Variants in C1orf87 observed in about 807,000 individuals in gnomAD.
C1orf87 encodes the protein uncharacterized protein C1orf87.
A neutral mutation model predicts 60.5 loss-of-function variants in C1orf87; 58 were observed. That is an observed-to-expected ratio of 0.96 (90% CI 0.78 to 1.19). C1orf87 has a LOEUF of 1.19. Among genes scored for constraint, C1orf87 ranks in the 50% most tolerant of loss-of-function variants. C1orf87 has a pLI of 0.00. For synonymous variants in C1orf87, 236 were observed against 227.4 expected (o/e 1.04, Z -0.34); for missense variants, 673 against 638.6 (o/e 1.05, Z -0.58).
At chr1:59,991,589 T>C (rs981185813) in intron 11 of C1orf87, among the ~76,000 whole-genome samples, 1 of 152,206 alleles carries the variant, frequency 6.6e-6, no homozygotes, top group Non-Finnish European at 1.5e-5. Flanking sequence ...GAATCTGTAG[T>C]TGCGGAATAC....
At chr1:60,033,665 G>A in intron 6 of C1orf87, 24 bp from the exon 7 acceptor site, 1 of 1,603,912 alleles carries the variant, frequency 6.2e-7, no homozygotes, top group South Asian at 1.1e-5. Flanking sequence ...AAATGGGGAA[G>A]GCTATGAAAA....
chr1:60,037,973 CA>C lies in C1orf87; in HGVS notation c.863+18del. 1.3e-6 allele frequency: 2 copies of C among 1,558,058 alleles called. No homozygotes were observed. The highest frequency in any genetic ancestry group is 1.1e-5 in the South Asian group (1 of 88,468). On this transcript the variant is annotated intron_variant, in intron 6 of 11. Coordinates refer to ENST00000371201, the MANE Select transcript of C1orf87 (RefSeq NM_152377.3). ...AAGACACCTAGGAACAATACCCTCA[CA>C]AAAAGGGAGAAGAGTACCTTTGGCT...
chr1:60,025,618 AATTAAT>A (rs1446632066), intron 7 of C1orf87, 120 bp from the exon 8 acceptor site: 5 of 746,974 alleles, frequency 6.7e-6, no homozygotes, highest in Non-Finnish European at 1.0e-5. Context: ...TTTGACAAAG[AATTAAT>A]ACCCAGGAGT....
chr1:60,061,125 C>T (rs975857099), intron 2 of C1orf87, among the ~76,000 whole-genome samples: 7 of 152,116 alleles, frequency 4.6e-5, no homozygotes, highest in Non-Finnish European at 5.9e-5. Flanking sequence ...TCTATGGGAA[C>T]GAGGAGCAAT....
chr1:60,034,809 T>G (rs1645264053), intron 6 of C1orf87, among the ~76,000 whole-genome samples: 1 of 152,210 alleles, frequency 6.6e-6, no homozygotes, highest in African/African-American at 2.4e-5. Flanking sequence ...TCCCTGGTAG[T>G]CTGCTCTAAG....
intron 10 of C1orf87, among the ~76,000 whole-genome samples, chr1:60,000,479 T>C (rs1403699702): frequency 6.6e-6 from 1 of 152,092 alleles, no homozygotes; most frequent in Non-Finnish European, 1.5e-5. Flanking sequence ...TCCCGTCATT[T>C]TAAGATGAAT....
At chr1:60,017,693 C>T (rs908089181) in intron 8 of C1orf87, among the ~76,000 whole-genome samples, 1 of 152,170 alleles carries the variant, frequency 6.6e-6, no homozygotes, top group Admixed American at 6.5e-5. Context: ...TGGCCAAGAA[C>T]ACGGATAATA....
intron 3 of C1orf87, among the ~76,000 whole-genome samples, chr1:60,053,721 T>C (rs1165180946): frequency 6.6e-6 from 1 of 152,186 alleles, no homozygotes; most frequent in Non-Finnish European, 1.5e-5. Context: ...TTTCTTCTTA[T>C]TTATATTCTC....
intron 2 of C1orf87, among the ~76,000 whole-genome samples, chr1:60,055,884 A>G (rs370307835): frequency 6.9e-6 from 1 of 145,364 alleles, no homozygotes; most frequent in African/African-American, 2.4e-5. Context: ...TAAGTTTAAT[A>G]TTAGAGAAAA....
intron 11 of C1orf87, among the ~76,000 whole-genome samples, chr1:59,995,021 T>C (rs1644953817): frequency 6.6e-6 from 1 of 152,178 alleles, no homozygotes. Context: ...CTAATGAATT[T>C]CATGGAAACA....
intron 11 of C1orf87, among the ~76,000 whole-genome samples, chr1:59,991,204 G>T (rs1320594464): frequency 6.6e-6 from 1 of 152,160 alleles, no homozygotes; most frequent in African/African-American, 2.4e-5. Flanking sequence ...TTTTTATCTT[G>T]TTAAAGTCTC....
intron 2 of C1orf87, among the ~76,000 whole-genome samples, chr1:60,062,629 T>C (rs1409400417): frequency 6.6e-6 from 1 of 152,176 alleles, no homozygotes; most frequent in African/African-American, 2.4e-5. Context: ...TTATTTCTTC[T>C]ATTTCCTGTC....
At chr1:60,012,422 C>G (rs1213454636) in intron 8 of C1orf87, among the ~76,000 whole-genome samples, 2 of 151,996 alleles carry the variant, frequency 1.3e-5, no homozygotes, top group East Asian at 3.9e-4. Flanking sequence ...ACTATATTGC[C>G]TGATTTGAAT....
intron 2 of C1orf87, among the ~76,000 whole-genome samples, chr1:60,065,924 T>A (rs899620499): frequency 1.3e-5 from 2 of 152,168 alleles, no homozygotes; most frequent in Non-Finnish European, 1.5e-5. Flanking sequence ...AATAAAGTGA[T>A]TCACATATTT....
At chr1:60,013,571 A>G (rs762815795) in intron 8 of C1orf87, among the ~76,000 whole-genome samples, 4 of 152,134 alleles carry the variant, frequency 2.6e-5, no homozygotes, top group Non-Finnish European at 4.4e-5. Context: ...CTACAAAAAA[A>G]TCAATGGTTT....
At chr1:60,064,339 TATGTAA>T (rs1645520191) in intron 2 of C1orf87, among the ~76,000 whole-genome samples, 1 of 140,496 alleles carries the variant, frequency 7.1e-6, no homozygotes, top group Non-Finnish European at 1.5e-5. Context: ...ATATACTATA[TATGTAA>T]TATATGTAAT....
chr1:59,992,829 T>C (rs1481672124), intron 11 of C1orf87, among the ~76,000 whole-genome samples: 1 of 152,250 alleles, frequency 6.6e-6, no homozygotes, highest in East Asian at 1.9e-4. Context: ...ATTTATTCTG[T>C]TCTATTCCAG....
At chr1:60,024,446 C>A (rs1645185070) in intron 8 of C1orf87, among the ~76,000 whole-genome samples, 1 of 152,114 alleles carries the variant, frequency 6.6e-6, no homozygotes. Flanking sequence ...ATTCCCAATC[C>A]TATGTGAGAT....
At chr1:60,059,199 G>T (rs1645477769) in intron 2 of C1orf87, among the ~76,000 whole-genome samples, 1 of 152,108 alleles carries the variant, frequency 6.6e-6, no homozygotes, top group African/African-American at 2.4e-5. Flanking sequence ...TTGTTATGTT[G>T]TTCACAAACT....
Sources: gnomAD v4.1 joint callset for allele counts (sites outside exome capture counted in the v4.1 genomes callset) on GRCh38, gnomAD v4.1.1 for gene constraint, MANE v1.5 for transcripts, NCBI Gene and HGNC (gene_info 2026-07-23, HGNC 2026-07-21) for gene names.